The following MELK variants were observed in gnomAD, a reference collection of about 807,000 sequenced individuals.
MELK encodes the protein pEg3 kinase.
A neutral mutation model predicts 85.0 loss-of-function variants in MELK; 81 were observed. That is an observed-to-expected ratio of 0.95 (90% CI 0.80 to 1.15). The LOEUF is 1.15. Among genes scored for constraint, MELK ranks in the 50% most tolerant of loss-of-function variants. The pLI, the probability that MELK is intolerant of heterozygous loss-of-function variation, is 0.00. For missense variants in MELK, 754 were observed against 777.5 expected (o/e 0.97, Z 0.36); for synonymous variants, 252 against 265.0 (o/e 0.95, Z 0.48).
At chr9:36,607,878 A>G (rs995719511) in intron 8 of MELK, among the ~76,000 whole-genome samples, 9 of 152,178 alleles carry the variant, frequency 5.9e-5, no homozygotes, top group African/African-American at 1.9e-4. Context: ...TGTATACAGT[A>G]GTTTCCCCTT....
intron 12 of MELK, among the ~76,000 whole-genome samples, chr9:36,652,775 T>TAAAAGGAA (rs1830840990): frequency 6.7e-6 from 1 of 149,454 alleles, no homozygotes; most frequent in Non-Finnish European, 1.5e-5. Flanking sequence ...ACAGATGAGC[T>TAAAAGGAA]AAAAGGAAAA....
intron 1 of MELK, among the ~76,000 whole-genome samples, chr9:36,576,786 C>A (rs1445687702): frequency 6.6e-6 from 1 of 152,158 alleles, no homozygotes; most frequent in African/African-American, 2.4e-5. Context: ...CCTGCCTTGG[C>A]CTACCAAAGT....
intron 7 of MELK, among the ~76,000 whole-genome samples, chr9:36,603,862 T>A (rs1825173304): frequency 2.0e-5 from 3 of 152,238 alleles, no homozygotes; most frequent in African/African-American, 7.2e-5. Context: ...TGCTTTCTTT[T>A]TTCTAATAAG....
chr9:36,606,496 TATA>T (rs1345694305), intron 7 of MELK, among the ~76,000 whole-genome samples: 1 of 143,128 alleles, frequency 7.0e-6, no homozygotes, highest in Non-Finnish European at 1.5e-5. Flanking sequence ...TAGGTGTGTA[TATA>T]ATAAATACAT....
At chr9:36,668,603 A>G (rs1216269386) in intron 14 of MELK, among the ~76,000 whole-genome samples, 6 of 55,572 alleles carry the variant, frequency 1.1e-4, no homozygotes, top group African/African-American at 3.2e-5. Flanking sequence ...ACATCTGCCT[A>G]CTGGGTTCAA....
At chr9:36,598,781 G>C (rs1413501154) in intron 6 of MELK, among the ~76,000 whole-genome samples, 1 of 152,144 alleles carries the variant, frequency 6.6e-6, no homozygotes, top group African/African-American at 2.4e-5. Context: ...GATATATGCT[G>C]GGCTTATTTA....
At chr9:36,587,566 C>T (rs1029896794) in intron 3 of MELK, among the ~76,000 whole-genome samples, 1 of 151,694 alleles carries the variant, frequency 6.6e-6, no homozygotes, top group African/African-American at 2.4e-5. Flanking sequence ...CCGCCTGCCT[C>T]GGCCTCCCAA....
chr9:36,652,336 C>T (rs895830579), intron 12 of MELK, among the ~76,000 whole-genome samples: 5 of 151,474 alleles, frequency 3.3e-5, no homozygotes, highest in Non-Finnish European at 5.9e-5. Context: ...CATGAGCCAC[C>T]GTGCCCGGCC....
In MELK at chr9:36,589,581, C is replaced by G. The variant is rs761241091; in HGVS notation, c.190C>G (p.Leu64Val). The G allele has an allele frequency of 1.2e-6, 2 of 1,614,102 alleles. No individual in the cohort carries two copies. Among genetic ancestry groups the G allele is most frequent in the South Asian group, 2.2e-5 (2 of 91,078 alleles). Residue 64 changes from leucine to valine, a missense_variant, in exon 4 of 18, where the codon CTG becomes GTG. Transcript: ENST00000298048. Reference sequence around the variant, plus strand: ...AACGGAGATTGAGGCCTTGAAGAACCTGAGACATCAGCATATATGTCAACT... The same window carrying G: ...AACGGAGATTGAGGCCTTGAAGAACGTGAGACATCAGCATATATGTCAACT... ...IKTEIEALKN[L>V]RHQHICQLYH...
At chr9:36,630,164 G>C (rs970016634) in intron 8 of MELK, 135 bp from the exon 9 acceptor site, 4 of 705,528 alleles carry the variant, frequency 5.7e-6, no homozygotes, top group African/African-American at 3.6e-5. Flanking sequence ...ATTTTTTTTA[G>C]TTAATAATGT....
chr9:36,649,581 C>T (rs1369443177), intron 11 of MELK, among the ~76,000 whole-genome samples: 1 of 151,962 alleles, frequency 6.6e-6, no homozygotes, highest in Non-Finnish European at 1.5e-5. Flanking sequence ...CCAGCCTGGA[C>T]AACATGGTGA....
intron 14 of MELK, among the ~76,000 whole-genome samples, chr9:36,665,786 T>A (rs996523422): frequency 2.0e-5 from 3 of 152,220 alleles, no homozygotes; most frequent in African/African-American, 7.2e-5. Flanking sequence ...AAGTTTTTCC[T>A]CTTTTTCACG....
At chr9:36,577,077 A>G (rs974016044) in intron 1 of MELK, among the ~76,000 whole-genome samples, 42 of 152,144 alleles carry the variant, frequency 2.8e-4, no homozygotes, top group African/African-American at 9.2e-4. Flanking sequence ...GGTTGAACTC[A>G]CACTCTAGGT....
At chr9:36,610,332 A>G (rs1049484092) in intron 8 of MELK, among the ~76,000 whole-genome samples, 4 of 152,204 alleles carry the variant, frequency 2.6e-5, no homozygotes, top group Non-Finnish European at 4.4e-5. Context: ...CCTATATCCC[A>G]CCTTGGAAGA....
chr9:36,604,873 C>A (rs1825326978), intron 7 of MELK, among the ~76,000 whole-genome samples: 2 of 152,146 alleles, frequency 1.3e-5, no homozygotes, highest in African/African-American at 4.8e-5. Flanking sequence ...GAACTCCCAA[C>A]CTCAGGTGAT....
intron 14 of MELK, among the ~76,000 whole-genome samples, chr9:36,668,966 T>A (rs1427815475): frequency 6.6e-6 from 1 of 152,176 alleles, no homozygotes; most frequent in Non-Finnish European, 1.5e-5. Flanking sequence ...AAATACAGAT[T>A]GACTTTTATT....
Position 36,575,344 on chromosome 9 carries a change from T to C in MELK, c.-39+2337T>C, listed in dbSNP as rs190890313. Reference sequence around the variant, plus strand: ...ACTCTGTTCTCAAGGCTTTTCTGTATTCTATATTAACAAACTCTAGAGGAT... The same window carrying C: ...ACTCTGTTCTCAAGGCTTTTCTGTACTCTATATTAACAAACTCTAGAGGAT... On this transcript the variant is annotated intron_variant, in intron 1 of 17. Coordinates refer to ENST00000298048, the MANE Select transcript of MELK (RefSeq NM_014791.4). Among the ~76,000 whole-genome samples the C allele has an allele frequency of 4.5e-4, 69 of 152,318 alleles. No individual in the cohort carries two copies. In the East Asian group the frequency reaches 0.012, roughly 26 times the overall value.
intron 10 of MELK, among the ~76,000 whole-genome samples, chr9:36,634,631 C>T (rs768794280): frequency 5.9e-5 from 9 of 152,040 alleles, no homozygotes; most frequent in Admixed American, 2.6e-4. Flanking sequence ...TGCTTGAACT[C>T]GGGAGGCAGA....
intron 17 of MELK, among the ~76,000 whole-genome samples, chr9:36,675,537 A>G (rs888668567): frequency 1.3e-5 from 2 of 152,324 alleles, no homozygotes; most frequent in Non-Finnish European, 2.9e-5. Flanking sequence ...TTACAATAAT[A>G]TTTATAAATT....
Sources: gnomAD v4.1 joint callset for allele counts (sites outside exome capture counted in the v4.1 genomes callset) on GRCh38, gnomAD v4.1.1 for gene constraint, MANE v1.5 for transcripts, NCBI Gene and HGNC (gene_info 2026-07-23, HGNC 2026-07-21) for gene names.